The following KATNIP variants were observed in gnomAD, a reference collection of about 807,000 sequenced individuals.
KATNIP encodes katanin-interacting protein.
Under a neutral mutation model 174.0 loss-of-function variants are expected in KATNIP, and 126 were observed. The observed-to-expected ratio is 0.72, with a 90% CI of 0.63 to 0.84. KATNIP has a LOEUF of 0.84. Ranked by LOEUF, KATNIP falls within the 40% of genes least tolerant of loss-of-function variation. The pLI is 0.00. For synonymous variants in KATNIP, 810 were observed against 835.7 expected (o/e 0.97, Z 0.53); for missense variants, 1,958 against 2,109.7 (o/e 0.93, Z 1.41).
At chr16:27,573,337 ACT>A (rs1473677301) in intron 1 of KATNIP, among the ~76,000 whole-genome samples, 2 of 152,226 alleles carry the variant, frequency 1.3e-5, no homozygotes, top group Non-Finnish European at 2.9e-5. Flanking sequence ...TTATGATGTC[ACT>A]CTGTTGAATT....
intron 2 of KATNIP, among the ~76,000 whole-genome samples, chr16:27,605,457 C>T (rs963359177): frequency 6.6e-6 from 1 of 152,150 alleles, no homozygotes; most frequent in Non-Finnish European, 1.5e-5. Flanking sequence ...TCTGCCTTGG[C>T]AGTCTATAAA....
At chr16:27,750,389 T>C (rs879402774) in intron 16 of KATNIP, 83 bp downstream of exon 16, 2 of 1,341,202 alleles carry the variant, frequency 1.5e-6, no homozygotes, top group Non-Finnish European at 2.0e-6. Flanking sequence ...ACCAGCTGGC[T>C]AGCCAACAAC....
Position 27,741,596 on chromosome 16 carries a change from A to G in KATNIP, c.2623+676A>G, listed in dbSNP as rs530599489. Among the ~76,000 whole-genome samples, 169 of 152,130 alleles carry G rather than the reference A, an allele frequency of 1.1e-3. 2 individuals are homozygous for G. The highest frequency in any genetic ancestry group is 4.0e-3 in the African/African-American group (164 of 41,508). ...GGCTGCCACTCCACTCAGGTTTCTA[A>G]TAAGCATTTAGGAGTGCAAGGCCAG... On this transcript the variant is annotated intron_variant, in intron 15 of 27. Transcript: ENST00000261588.
chr16:27,774,194 A>T (rs1567434009), intron 23 of KATNIP, among the ~76,000 whole-genome samples: 1 of 152,104 alleles, frequency 6.6e-6, no homozygotes, highest in Non-Finnish European at 1.5e-5. Context: ...CCTGGCTTCC[A>T]GTTGGATCCT....
At chr16:27,582,322 C>A (rs1395935737) in intron 2 of KATNIP, among the ~76,000 whole-genome samples, 3 of 152,124 alleles carry the variant, frequency 2.0e-5, no homozygotes, top group African/African-American at 7.2e-5. Flanking sequence ...GGTGGTGTTG[C>A]ATTACAAAGA....
intron 11 of KATNIP, among the ~76,000 whole-genome samples, chr16:27,702,044 G>A (rs1322325163): frequency 6.6e-6 from 1 of 152,076 alleles, no homozygotes; most frequent in Non-Finnish European, 1.5e-5. Context: ...CACCCACCTC[G>A]GCCTCTCAAA....
At chr16:27,597,362 C>T (rs2075366160) in intron 2 of KATNIP, among the ~76,000 whole-genome samples, 1 of 146,366 alleles carries the variant, frequency 6.8e-6, no homozygotes, top group Admixed American at 6.8e-5. Flanking sequence ...CTGAGTGTAT[C>T]CATAAAATAT....
intron 4 of KATNIP, 93 bp downstream of exon 4, chr16:27,628,923 T>G: frequency 7.6e-7 from 1 of 1,320,316 alleles, no homozygotes; most frequent in Non-Finnish European, 1.1e-6. Flanking sequence ...ATCACATCAC[T>G]TTGGGAGGCT....
At chr16:27,721,474 C>G in intron 13 of KATNIP, 84 bp from the exon 14 acceptor site, 1 of 1,550,034 alleles carries the variant, frequency 6.5e-7, no homozygotes, top group Non-Finnish European at 8.9e-7. Flanking sequence ...TCCTGGTTTT[C>G]GTGAGCCAAA....
At chr16:27,609,204 A>G (rs1275747758) in intron 2 of KATNIP, among the ~76,000 whole-genome samples, 1 of 152,016 alleles carries the variant, frequency 6.6e-6, no homozygotes, top group Non-Finnish European at 1.5e-5. Context: ...TAGAATTCTC[A>G]TTCTAGTGCA....
intron 2 of KATNIP, among the ~76,000 whole-genome samples, chr16:27,588,168 C>T (rs561484657): frequency 1.1e-4 from 17 of 151,780 alleles, no homozygotes; most frequent in East Asian, 3.9e-4. Context: ...CTGGGATTAC[C>T]GCTGGGAGCC....
chr16:27,643,955 C>T (rs1597039761), intron 5 of KATNIP, among the ~76,000 whole-genome samples: 1 of 151,172 alleles, frequency 6.6e-6, no homozygotes, highest in African/African-American at 2.4e-5. Context: ...CTTCTAGGAC[C>T]AGTTCTAGGA....
intron 2 of KATNIP, among the ~76,000 whole-genome samples, chr16:27,600,560 C>G (rs967287071): frequency 6.6e-6 from 1 of 152,068 alleles, no homozygotes; most frequent in Non-Finnish European, 1.5e-5. Context: ...CTGGCATCTG[C>G]TTTTACAAAC....
chr16:27,716,125 G>T (rs2079926564), intron 13 of KATNIP, among the ~76,000 whole-genome samples: 1 of 152,174 alleles, frequency 6.6e-6, no homozygotes, highest in African/African-American at 2.4e-5. Flanking sequence ...CCCTAAAAAG[G>T]AAAGAACTAT....
At chr16:27,752,044 C>A in intron 17 of KATNIP, 120 bp downstream of exon 17, 1 of 643,160 alleles carries the variant, frequency 1.6e-6, no homozygotes, top group Non-Finnish European at 2.4e-6. Flanking sequence ...ACTGTGTTGA[C>A]ATTTCCCATC....
intron 20 of KATNIP, among the ~76,000 whole-genome samples, chr16:27,769,206 A>C (rs57025386): frequency 0.041 from 6,304 of 152,258 alleles, 222 homozygotes; most frequent in East Asian, 0.1. Context: ...TCCAGCCAGA[A>C]CCTCTGCCAT....
intron 1 of KATNIP, among the ~76,000 whole-genome samples, chr16:27,562,845 T>C (rs535440866): frequency 1.3e-5 from 2 of 152,344 alleles, no homozygotes; most frequent in African/African-American, 4.8e-5. Context: ...TTATCTTCAA[T>C]GGGGTATTAA....
Position 27,775,005 on chromosome 16 carries a change from C to G in KATNIP, c.4370C>G (p.Thr1457Ser). ...SLEGVGGDVRTPDKLIDQVND... is the reference protein window; with the variant it reads ...SLEGVGGDVRSPDKLIDQVND... Reference sequence around the variant, plus strand: ...GAGGGTGTGGGCGGGGACGTCCGCACCCCAGACAAGCTCATCGACCAAGTG... The same window carrying G: ...GAGGGTGTGGGCGGGGACGTCCGCAGCCCAGACAAGCTCATCGACCAAGTG... The change falls in exon 24 of 28, where the codon ACC (threonine) becomes AGC (serine). Residue 1457 changes from threonine (T) to serine (S), a missense_variant. This residue lies in a region of KATNIP where 383 missense variants were observed against 456.0 expected (regional missense o/e 0.84). Coordinates refer to ENST00000261588, the MANE Select transcript of KATNIP (RefSeq NM_015202.5). 6.2e-7 allele frequency: 1 copy of G among 1,613,840 alleles called. No individual in the cohort carries two copies. Among genetic ancestry groups the G allele is most frequent in the South Asian group, 1.1e-5 (1 of 91,062 alleles).
At chr16:27,754,051 C>T (rs1378082090) in intron 17 of KATNIP, 122 bp from the exon 18 acceptor site, 1 of 791,744 alleles carries the variant, frequency 1.3e-6, no homozygotes, top group African/African-American at 1.7e-5. Flanking sequence ...TCCAGGAAAA[C>T]ACACAAGGAC....
Sources: gnomAD v4.1 joint callset for allele counts (sites outside exome capture counted in the v4.1 genomes callset) on GRCh38, gnomAD v4.1.1 for gene constraint, gnomAD v4.1.1 regional missense constraint, MANE v1.5 for transcripts, NCBI Gene and HGNC (gene_info 2026-07-23, HGNC 2026-07-21) for gene names.